LRRC4C: variants seen among roughly 807,000 people sequenced by gnomAD.
The protein encoded by LRRC4C is leucine-rich repeat-containing protein 4C.
LRRC4C carries 5 observed loss-of-function variants against 33.6 expected under a neutral mutation model. That is an observed-to-expected ratio of 0.15 (90% CI 0.08 to 0.31). The LOEUF (loss-of-function observed/expected upper bound fraction) is 0.31, where lower values mean the gene tolerates loss of function less well. LRRC4C is among the 10% of genes least tolerant of loss of function. LRRC4C has a pLI of 1.00. For synonymous variants in LRRC4C, 329 were observed against 302.0 expected (o/e 1.09, Z -0.93); for missense variants, 560 against 796.7 (o/e 0.70, Z 3.58).
intron 1 of LRRC4C, among the ~76,000 whole-genome samples, chr11:41,193,390 G>T (rs1444975497): frequency 6.6e-6 from 1 of 151,946 alleles, no homozygotes. Flanking sequence ...TCTATGGGAC[G>T]AATTGTCAAC....
At chr11:40,133,200 A>G (rs1856761779) in intron 6 of LRRC4C, among the ~76,000 whole-genome samples, 1 of 152,142 alleles carries the variant, frequency 6.6e-6, no homozygotes, top group Admixed American at 6.6e-5. Context: ...GCTCTGTGCT[A>G]AGGTCACCAA....
chr11:40,796,161 A>G (rs1416788850), intron 2 of LRRC4C, among the ~76,000 whole-genome samples: 1 of 152,170 alleles, frequency 6.6e-6, no homozygotes, highest in African/African-American at 2.4e-5. Context: ...AAATTTGTCT[A>G]ATTCCTATGC....
intron 4 of LRRC4C, among the ~76,000 whole-genome samples, chr11:40,259,723 G>T (rs1207924958): frequency 1.3e-5 from 2 of 151,962 alleles, no homozygotes; most frequent in East Asian, 1.9e-4. Context: ...GATAGTTGTA[G>T]ATATGCGGCG....
Position 40,628,495 on chromosome 11 carries a change from CA to C in LRRC4C, c.-270+19646del, listed in dbSNP as rs559630445. On this transcript the variant is annotated intron_variant, in intron 3 of 6. Coordinates refer to ENST00000528697, the MANE Select transcript of LRRC4C (RefSeq NM_001258419.2). ...TCCATCTCAAAAAAACAAAACAAAA[CA>C]AAACAAAACAAAACCTAATTCATCA... Among the ~76,000 whole-genome samples the C allele has an allele frequency of 2.2e-3, 333 of 152,000 alleles. 3 individuals carry two copies. Among genetic ancestry groups the C allele is most frequent in the African/African-American group, 7.8e-3 (324 of 41,498 alleles).
intron 1 of LRRC4C, among the ~76,000 whole-genome samples, chr11:41,249,062 T>C (rs1488913447): frequency 6.7e-6 from 1 of 149,252 alleles, no homozygotes; most frequent in Non-Finnish European, 1.5e-5. Flanking sequence ...TGAGATGGAG[T>C]CTCACTCTGT....
intron 1 of LRRC4C, among the ~76,000 whole-genome samples, chr11:41,283,057 AC>A (rs1482037299): frequency 6.6e-6 from 1 of 152,216 alleles, no homozygotes; most frequent in Non-Finnish European, 1.5e-5. Context: ...ATCTTTAGCT[AC>A]AATAATGATA....
At chr11:41,288,434 C>T (rs1480649266) in intron 1 of LRRC4C, among the ~76,000 whole-genome samples, 2 of 152,166 alleles carry the variant, frequency 1.3e-5, no homozygotes, top group South Asian at 4.1e-4. Context: ...GTATGAGACT[C>T]TCAAGGTAGA....
chr11:40,683,097 C>T (rs1375958325), intron 2 of LRRC4C, among the ~76,000 whole-genome samples: 5 of 152,168 alleles, frequency 3.3e-5, no homozygotes, highest in Admixed American at 3.3e-4. Context: ...AACTTTCCAG[C>T]TATGTTCTTT....
intron 2 of LRRC4C, among the ~76,000 whole-genome samples, chr11:40,888,794 G>C (rs1323551139): frequency 1.3e-5 from 2 of 151,876 alleles, no homozygotes; most frequent in Non-Finnish European, 2.9e-5. Context: ...GTTCTCATGT[G>C]TACATTTATG....
At chr11:41,010,544 A>T (rs1855096019) in intron 1 of LRRC4C, among the ~76,000 whole-genome samples, 1 of 152,168 alleles carries the variant, frequency 6.6e-6, no homozygotes, top group Non-Finnish European at 1.5e-5. Context: ...GCAACAAAGG[A>T]TGTAGCCAGA....
intron 1 of LRRC4C, among the ~76,000 whole-genome samples, chr11:41,324,597 A>G (rs1013701329): frequency 3.3e-5 from 5 of 152,188 alleles, no homozygotes; most frequent in African/African-American, 7.2e-5. Context: ...GCACCATACA[A>G]TCTCAATAAA....
chr11:40,559,450 G>T (rs1957462118), intron 3 of LRRC4C, among the ~76,000 whole-genome samples: 1 of 152,140 alleles, frequency 6.6e-6, no homozygotes, highest in African/African-American at 2.4e-5. Flanking sequence ...CTCCCAAAGT[G>T]CTGGGATTAC....
chr11:40,384,685 A>C (rs1035316692), intron 3 of LRRC4C, among the ~76,000 whole-genome samples: 6 of 152,158 alleles, frequency 3.9e-5, no homozygotes, highest in African/African-American at 1.4e-4. Flanking sequence ...TTTAGCTCCT[A>C]CATTTTGCTT....
intron 2 of LRRC4C, among the ~76,000 whole-genome samples, chr11:40,931,436 T>A (rs1957617556): frequency 6.6e-6 from 1 of 152,198 alleles, no homozygotes; most frequent in African/African-American, 2.4e-5. Flanking sequence ...TATATATGTT[T>A]AATAAGCAGA....
At chr11:40,402,930 G>T (rs1034404236) in intron 3 of LRRC4C, among the ~76,000 whole-genome samples, 14 of 152,148 alleles carry the variant, frequency 9.2e-5, no homozygotes, top group African/African-American at 3.4e-4. Flanking sequence ...AACCTCCAGT[G>T]TACTTATAAT....
chr11:41,139,864 T>A (rs930832977), intron 1 of LRRC4C, among the ~76,000 whole-genome samples: 1 of 152,092 alleles, frequency 6.6e-6, no homozygotes, highest in African/African-American at 2.4e-5. Flanking sequence ...GGTGTGGTGG[T>A]CTTTGATCGG....
chr11:40,756,889 A>C (rs1466407496), intron 2 of LRRC4C, among the ~76,000 whole-genome samples: 1 of 151,894 alleles, frequency 6.6e-6, no homozygotes, highest in Non-Finnish European at 1.5e-5. Context: ...TCTTTCTGTC[A>C]GACTTTTTTT....
intron 3 of LRRC4C, among the ~76,000 whole-genome samples, chr11:40,342,736 T>TA (rs1946927247): frequency 6.6e-6 from 1 of 152,216 alleles, no homozygotes; most frequent in Non-Finnish European, 1.5e-5. Context: ...AAGTCTCATT[T>TA]AAAAGCACAT....
intron 1 of LRRC4C, among the ~76,000 whole-genome samples, chr11:41,079,943 T>G (rs756534095): frequency 6.6e-6 from 1 of 152,148 alleles, no homozygotes; most frequent in South Asian, 2.1e-4. Context: ...TATCCACAGA[T>G]TCTACTGTAT....
Sources: allele counts gnomAD v4.1 joint callset (sites outside exome capture counted in the v4.1 genomes callset), GRCh38; gene constraint gnomAD v4.1.1; transcripts MANE v1.5; gene names NCBI Gene and HGNC (gene_info 2026-07-23, HGNC 2026-07-21).